Variants in ANO2 observed in about 807,000 individuals in gnomAD.
ANO2 encodes the protein anoctamin 2, also known as anoctamin-2.
ANO2 carries 101 observed loss-of-function variants against 124.2 expected under a neutral mutation model. The ratio of observed to expected loss-of-function variants is 0.81; its 90% CI spans 0.69 to 0.96. The LOEUF (loss-of-function observed/expected upper bound fraction) is 0.96. Ranked by LOEUF, ANO2 falls within the 40% of genes least tolerant of loss-of-function variation. The probability of loss-of-function intolerance (pLI) is 0.00; values close to 1 mark genes in which losing one functional copy is unlikely to be tolerated. For missense variants in ANO2, 1,293 were observed against 1,274.5 expected, an observed-to-expected ratio of 1.01 and a Z score of -0.22; for synonymous variants, 486 against 482.5, an observed-to-expected ratio of 1.01 and a Z score of -0.09.
At chr12:5,703,464 T>A (rs910953106) in intron 14 of ANO2, among the ~76,000 whole-genome samples, 1 of 152,216 alleles carries the variant, frequency 6.6e-6, no homozygotes, top group East Asian at 1.9e-4. Flanking sequence ...TTATAAATGA[T>A]CTGAAGCTAA....
At chr12:5,923,279 C>CAT (rs1941923120) in intron 1 of ANO2, among the ~76,000 whole-genome samples, 1 of 129,684 alleles carries the variant, frequency 7.7e-6, no homozygotes, top group Non-Finnish European at 1.7e-5. Flanking sequence ...CACACACACA[C>CAT]GCACACACAC....
intron 3 of ANO2, among the ~76,000 whole-genome samples, chr12:5,879,044 G>A (rs969806064): frequency 2.6e-5 from 4 of 152,212 alleles, no homozygotes; most frequent in African/African-American, 2.4e-5. Context: ...GAAGGCCTGC[G>A]AGAACATGAC....
At chr12:5,859,210 G>T (rs988493229) in intron 3 of ANO2, among the ~76,000 whole-genome samples, 5 of 152,186 alleles carry the variant, frequency 3.3e-5, no homozygotes, top group African/African-American at 1.2e-4. Context: ...CACATAATTT[G>T]GTCCTTGTCA....
Position 5,787,026 on chromosome 12 carries a change from G to A in ANO2, c.1055+12481C>T, listed in dbSNP as rs1308442504. Among the ~76,000 whole-genome samples the A allele has an allele frequency of 6.6e-6, 1 of 152,200 alleles. No individual in the cohort carries two copies. The highest frequency in any genetic ancestry group is 1.5e-5 in the Non-Finnish European group (1 of 68,038). The stretch of plus-strand genomic sequence containing the variant: ...GGAGAGATGCTTCATGTCCACTGGA[G>A]CACAACCTGGTGAGACCATAGGTTA... On this transcript the variant is annotated intron_variant, in intron 10 of 24. Transcript: ENST00000682330. The surrounding 1 kb of genome is among the most constrained non-coding windows in gnomAD (Gnocchi z 4.2).
At position 5,862,364 on chromosome 12, in the gene ANO2, G is replaced by C. The variant is rs1052429756; in HGVS notation, c.535-8223C>G. 6.6e-6 allele frequency among the ~76,000 whole-genome samples: 1 copy of C among 152,088 alleles called. No individual in the cohort carries two copies. Among genetic ancestry groups the C allele is most frequent in the African/African-American group, 2.4e-5 (1 of 41,412 alleles). ...AGACTTCACCTGGTTCCCAACCAAC[G>C]ACCAGGGACAACCCAGGGTCCTATG... On this transcript the variant is annotated intron_variant, in intron 3 of 24. Transcript: ENST00000682330. This position sits in a 1 kb window ranked among gnomAD's most constrained non-coding sequence, Gnocchi z 4.0.
At chr12:5,703,869 T>A (rs915686228) in intron 14 of ANO2, among the ~76,000 whole-genome samples, 1 of 152,190 alleles carries the variant, frequency 6.6e-6, no homozygotes, top group Non-Finnish European at 1.5e-5. Context: ...GACTTTTCTG[T>A]GTATACAAAA....
intron 10 of ANO2, among the ~76,000 whole-genome samples, chr12:5,775,628 A>AT (rs1161904188): frequency 6.6e-6 from 1 of 151,852 alleles, no homozygotes; most frequent in Admixed American, 6.6e-5. Flanking sequence ...CGCCCAGCTA[A>AT]TTTTTTGTAT....
At chr12:5,891,958 C>T (rs904587501) in intron 3 of ANO2, among the ~76,000 whole-genome samples, 15 of 151,480 alleles carry the variant, frequency 9.9e-5, no homozygotes, top group Admixed American at 4.6e-4. Flanking sequence ...AGACAAATGC[C>T]GATGACAAAG....
intron 3 of ANO2, among the ~76,000 whole-genome samples, chr12:5,883,647 G>A (rs535352330): frequency 3.1e-4 from 47 of 152,088 alleles, no homozygotes; most frequent in African/African-American, 9.6e-4. Context: ...GCTCTAGGCC[G>A]GGAGCCCAGG....
chr12:5,905,387 A>G (rs1940603372), intron 3 of ANO2, among the ~76,000 whole-genome samples: 1 of 152,252 alleles, frequency 6.6e-6, no homozygotes, highest in South Asian at 2.1e-4. Flanking sequence ...TTTAAAGATT[A>G]AATGAGTTAC....
intron 14 of ANO2, among the ~76,000 whole-genome samples, chr12:5,689,399 C>T (rs79589693): frequency 0.019 from 2,892 of 152,178 alleles, 101 homozygotes; most frequent in African/African-American, 0.064. Context: ...CAGAGACAGG[C>T]TTTTTATGGG....
intron 13 of ANO2, among the ~76,000 whole-genome samples, chr12:5,736,502 T>C (rs17788455): frequency 0.12 from 17,957 of 152,144 alleles, 1,131 homozygotes; most frequent in Admixed American, 0.18. Flanking sequence ...CTGGTTAAAA[T>C]AGAAAAAACT....
At chr12:5,811,122 T>A (rs544375006) in intron 7 of ANO2, among the ~76,000 whole-genome samples, 1 of 152,140 alleles carries the variant, frequency 6.6e-6, no homozygotes, top group Non-Finnish European at 1.5e-5. Flanking sequence ...CAGGCCAAAC[T>A]CAAAGGAAAC....
chr12:5,656,804 A>T (rs116565103), intron 14 of ANO2, among the ~76,000 whole-genome samples: 1 of 152,316 alleles, frequency 6.6e-6, no homozygotes, highest in South Asian at 2.1e-4. Flanking sequence ...ATCCCTCTCT[A>T]TGTAAGGAGG....
intron 10 of ANO2, among the ~76,000 whole-genome samples, chr12:5,773,458 C>T (rs1353017611): frequency 2.0e-5 from 3 of 152,162 alleles, no homozygotes; most frequent in Non-Finnish European, 4.4e-5. Context: ...GACAGAGCCG[C>T]AATTAGAAAC....
At chr12:5,822,175 T>G (rs1317202235) in intron 7 of ANO2, among the ~76,000 whole-genome samples, 1 of 152,136 alleles carries the variant, frequency 6.6e-6, no homozygotes, top group African/African-American at 2.4e-5. Context: ...CAAGGAGAAA[T>G]GGCCAGATGT....
At chr12:5,812,203 G>A (rs1431370297) in intron 7 of ANO2, among the ~76,000 whole-genome samples, 2 of 121,848 alleles carry the variant, frequency 1.6e-5, no homozygotes, top group African/African-American at 6.4e-5. Flanking sequence ...AGGGAGGGAA[G>A]AAAAGGGAAG....
chr12:5,832,116 T>C (rs371703842), intron 5 of ANO2, among the ~76,000 whole-genome samples: 2 of 152,150 alleles, frequency 1.3e-5, no homozygotes, highest in African/African-American at 4.8e-5. Context: ...GGCAGAAGGT[T>C]TTCCTACAGA....
At chr12:5,570,302 C>T (rs954091394) in intron 23 of ANO2, among the ~76,000 whole-genome samples, 2 of 152,064 alleles carry the variant, frequency 1.3e-5, no homozygotes, top group Non-Finnish European at 2.9e-5. Flanking sequence ...GCCTAGAGAA[C>T]ATTCACCCGT....
Sources: allele counts gnomAD v4.1 joint callset (sites outside exome capture counted in the v4.1 genomes callset), GRCh38; gene constraint gnomAD v4.1.1; non-coding constraint Gnocchi (gnomAD v3.1); transcripts MANE v1.5; gene names NCBI Gene and HGNC (gene_info 2026-07-23, HGNC 2026-07-21).